HYDIN: variants seen among roughly 807,000 people sequenced by gnomAD.
HYDIN encodes HYDIN axonemal central pair apparatus protein.
HYDIN carries 132 observed loss-of-function variants against 403.9 expected under a neutral mutation model. The ratio of observed to expected loss-of-function variants is 0.33; its 90% CI spans 0.28 to 0.38. HYDIN has a LOEUF of 0.38. HYDIN is among the 10% of genes least tolerant of loss of function. The pLI is 1.00. For missense variants in HYDIN, 2,827 were observed against 5,009.5 expected (o/e 0.56, Z 13.15); for synonymous variants, 1,202 against 1,891.7 (o/e 0.64, Z 9.46).
In HYDIN at chr16:70,802,273, C is replaced by T. The variant is rs1406911800; in HGVS notation, c.*5307G>A. ...TGCCCTGTATTATGCCCTCTTTCAG[C>T]GTGAACAAGACTTGTAAATATGATG... On this transcript the variant is annotated 3_prime_UTR_variant, in exon 86 of 86. Coordinates refer to ENST00000393567, the MANE Select transcript of HYDIN (RefSeq NM_001270974.2). 6.6e-6 allele frequency: 1 copy of T among 152,122 alleles called. No individual in the cohort carries two copies. Among genetic ancestry groups the T allele is most frequent in the Non-Finnish European group, 1.5e-5 (1 of 68,028 alleles). The allele number at this position is 152,122 out of a possible 1,614,324, so 9.4% of individuals were successfully genotyped here. A position where few individuals can be genotyped will look rare whatever the true frequency, so the allele number is the denominator to read the frequency against.
At position 70,808,057 on chromosome 16, in the gene HYDIN, G is replaced by A; in HGVS notation, c.14889C>T (p.Asp4963=). ...GTTTTTCTGCGTGGAAGTCTGTACAGTCGGTCTGAAAGGGGAACAAACAAA... is the reference window on the plus strand; with the variant it reads ...GTTTTTCTGCGTGGAAGTCTGTACAATCGGTCTGAAAGGGGAACAAACAAA... ...RQRTEYYCRT[D]CTDFHAEKLI... is the part of the protein sequence containing the mutation. The change falls in exon 86 of 86, where the codon GAC becomes GAT. Residue 4963 remains aspartate, a synonymous_variant. Coordinates refer to ENST00000393567, the MANE Select transcript of HYDIN (RefSeq NM_001270974.2). The A allele has an allele frequency of 4.4e-6, 7 of 1,604,954 alleles. No individual in the cohort carries two copies. The highest frequency in any genetic ancestry group is 6.0e-6 in the Non-Finnish European group (7 of 1,174,402).
intron 18 of HYDIN, among the ~76,000 whole-genome samples, chr16:71,036,743 A>C (rs896840108): frequency 8.6e-5 from 13 of 151,576 alleles, no homozygotes; most frequent in Non-Finnish European, 1.0e-4. Context: ...TGCAAGACAA[A>C]GACACATTAA....
intron 1 of HYDIN, among the ~76,000 whole-genome samples, chr16:71,210,978 C>T (rs1028945741): frequency 2.0e-5 from 3 of 151,896 alleles, no homozygotes; most frequent in Non-Finnish European, 2.9e-5. Context: ...TAAAATAAAA[C>T]AATTTAATAA....
intron 1 of HYDIN, among the ~76,000 whole-genome samples, chr16:71,225,488 GACC>G (rs1320128466): frequency 6.6e-6 from 1 of 152,186 alleles, no homozygotes; most frequent in Non-Finnish European, 1.5e-5. Context: ...GCTTTGGATT[GACC>G]ACTCTGGCAT....
At chr16:70,995,487 T>C (rs2079501076) in intron 23 of HYDIN, among the ~76,000 whole-genome samples, 1 of 152,192 alleles carries the variant, frequency 6.6e-6, no homozygotes, top group Admixed American at 6.5e-5. Context: ...CCTCATGTTT[T>C]ATTTTCAACT....
At chr16:71,040,473 C>T (rs948573288) in intron 18 of HYDIN, among the ~76,000 whole-genome samples, 1 of 144,254 alleles carries the variant, frequency 6.9e-6, no homozygotes, top group Non-Finnish European at 1.5e-5. Context: ...AATGCACATA[C>T]CCCCCCTCCC....
intron 18 of HYDIN, among the ~76,000 whole-genome samples, chr16:71,057,300 G>C (rs1442110204): frequency 2.0e-5 from 3 of 150,404 alleles, no homozygotes; most frequent in African/African-American, 7.3e-5. Flanking sequence ...AGCACGATTG[G>C]AGTTGTGTGA....
At chr16:70,950,327 T>A (rs1032507823) in intron 41 of HYDIN, among the ~76,000 whole-genome samples, 7 of 151,988 alleles carry the variant, frequency 4.6e-5, no homozygotes, top group Non-Finnish European at 8.8e-5. Flanking sequence ...CTTGGCTCAC[T>A]GCAACCTCCA....
intron 1 of HYDIN, among the ~76,000 whole-genome samples, chr16:71,210,264 C>T (rs2088514130): frequency 6.6e-6 from 1 of 152,144 alleles, no homozygotes; most frequent in Non-Finnish European, 1.5e-5. Context: ...AACCTAAATG[C>T]TCATCAATGG....
chr16:70,992,346 A>G, intron 23 of HYDIN, 136 bp from the exon 24 acceptor site: 15 of 1,195,506 alleles, frequency 1.3e-5, no homozygotes, highest in Non-Finnish European at 1.6e-5. Flanking sequence ...ACCACCCTAC[A>G]CCCTCCCTTG....
At chr16:71,149,847 T>A (rs1003410204) in intron 7 of HYDIN, among the ~76,000 whole-genome samples, 2 of 151,500 alleles carry the variant, frequency 1.3e-5, no homozygotes, top group South Asian at 2.1e-4. Context: ...TTTTTACAAA[T>A]ACTTTTAAAT....
chr16:71,020,277 G>A lies in HYDIN; in HGVS notation c.3227C>T (p.Ala1076Val). ...SILKPDYQPL[A>V]IKNISTLPVN... ...GGGCAGGGTGGAAATGTTCTTTATG[G>A]CCAAGGGCTGGTAATCAGGTTTCAG... is the stretch of plus-strand genomic sequence containing the variant. Residue 1076 changes from alanine (A) to valine (V), a missense_variant, in exon 22 of 86, where the codon GCC becomes GTC. Ala to Val is a moderately conservative substitution (Grantham distance 64). Coordinates refer to ENST00000393567, the MANE Select transcript of HYDIN (RefSeq NM_001270974.2). The A allele has an allele frequency of 1.2e-6, 2 of 1,614,076 alleles. No individual in the cohort carries two copies. The highest frequency in any genetic ancestry group is 1.7e-6 in the Non-Finnish European group (2 of 1,179,998).
At chr16:70,825,156 T>G (rs568852129) in intron 83 of HYDIN, among the ~76,000 whole-genome samples, 4 of 152,380 alleles carry the variant, frequency 2.6e-5, no homozygotes, top group African/African-American at 7.2e-5. Context: ...ATTCTCACTC[T>G]GAAATTTGGA....
chr16:71,078,133 T>A (rs372389091), intron 13 of HYDIN, among the ~76,000 whole-genome samples: 1 of 149,130 alleles, frequency 6.7e-6, no homozygotes, highest in African/African-American at 2.5e-5. Flanking sequence ...TTTTCTTTTC[T>A]TGTGTTGTTT....
chr16:71,213,615 T>A (rs1326483001), intron 1 of HYDIN, among the ~76,000 whole-genome samples: 1 of 152,108 alleles, frequency 6.6e-6, no homozygotes, highest in African/African-American at 2.4e-5. Context: ...TGTTGAATTT[T>A]AACCAAGAAT....
chr16:70,930,689 A>G (rs2077293385), intron 45 of HYDIN, among the ~76,000 whole-genome samples: 1 of 152,156 alleles, frequency 6.6e-6, no homozygotes, highest in Non-Finnish European at 1.5e-5. Flanking sequence ...GCAAACTGGA[A>G]GCAATTTGTA....
At chr16:70,809,636 C>T (rs2035331638) in intron 85 of HYDIN, 147 bp downstream of exon 85, 1 of 666,506 alleles carries the variant, frequency 1.5e-6, no homozygotes, top group Non-Finnish European at 2.7e-6. Context: ...AGGCTAGATT[C>T]AGGCCTCTGA....
In HYDIN at chr16:70,943,425, T is replaced by C. The variant is rs191647888; in HGVS notation, c.6669+387A>G. 1.9e-4 allele frequency among the ~76,000 whole-genome samples: 29 copies of C among 152,272 alleles called. No homozygotes were observed. The East Asian group carries it at 5.4e-3, about 28-fold the overall frequency. On this transcript the variant is annotated intron_variant, in intron 42 of 85. Transcript: ENST00000393567. ...TCTAAATATTTATATAGAATGTTAT[T>C]ATGTTTTAACCAGTATTTCCTAGTT...
chr16:71,104,202 T>TCC (rs1321941682), intron 10 of HYDIN, among the ~76,000 whole-genome samples: 3 of 151,834 alleles, frequency 2.0e-5, no homozygotes, highest in Non-Finnish European at 4.4e-5. Flanking sequence ...CCCAAGAATC[T>TCC]ACATTCTTAA....
Sources: allele counts gnomAD v4.1 joint callset (sites outside exome capture counted in the v4.1 genomes callset), GRCh38; gene constraint gnomAD v4.1.1; transcripts MANE v1.5; gene names NCBI Gene and HGNC (gene_info 2026-07-23, HGNC 2026-07-21).